ZFHX4: variants seen among roughly 807,000 people sequenced by gnomAD.
ZFHX4 encodes zinc finger homeobox protein 4.
A neutral mutation model predicts 267.6 loss-of-function variants in ZFHX4; 56 were observed. That is an observed-to-expected ratio of 0.21 (90% CI 0.17 to 0.26). ZFHX4 has a LOEUF of 0.26. Ranked by LOEUF, ZFHX4 falls within the 10% of genes least tolerant of loss-of-function variation. The pLI is 1.00. For missense variants in ZFHX4, 4,332 were observed against 4,420.0 expected (o/e 0.98, Z 0.56); for synonymous variants, 1,778 against 1,665.6 (o/e 1.07, Z -1.64).
At chr8:76,762,326 G>A (rs141523766) in intron 3 of ZFHX4, among the ~76,000 whole-genome samples, 3 of 152,216 alleles carry the variant, frequency 2.0e-5, no homozygotes, top group African/African-American at 7.2e-5. Context: ...AACATAAATA[G>A]TGAAGAATAC....
chr8:76,831,449 T>G (rs1203355361), intron 4 of ZFHX4, among the ~76,000 whole-genome samples: 1 of 152,168 alleles, frequency 6.6e-6, no homozygotes, highest in Non-Finnish European at 1.5e-5. Flanking sequence ...TGTGGTATAG[T>G]TGACAGAGCT....
intron 1 of ZFHX4, among the ~76,000 whole-genome samples, chr8:76,695,544 C>T (rs1187075649): frequency 6.6e-6 from 1 of 152,162 alleles, no homozygotes; most frequent in Admixed American, 6.5e-5. Context: ...AACCAAGAAG[C>T]TAAACTTTCT....
At chr8:76,821,686 G>T (rs1811653038) in intron 4 of ZFHX4, among the ~76,000 whole-genome samples, 1 of 152,066 alleles carries the variant, frequency 6.6e-6, no homozygotes, top group Admixed American at 6.6e-5. Flanking sequence ...TACATTCCCT[G>T]TAGGGAACTG....
chr8:76,819,770 C>T (rs1811600391), intron 4 of ZFHX4, among the ~76,000 whole-genome samples: 1 of 152,184 alleles, frequency 6.6e-6, no homozygotes. Context: ...TGGCCTCACC[C>T]TATTACATTC....
intron 3 of ZFHX4, among the ~76,000 whole-genome samples, chr8:76,770,126 G>T (rs1810222854): frequency 1.3e-5 from 2 of 152,236 alleles, no homozygotes; most frequent in Non-Finnish European, 1.5e-5. Context: ...GGTGACACAG[G>T]TTCTGTTAAA....
intron 3 of ZFHX4, among the ~76,000 whole-genome samples, chr8:76,723,988 A>G (rs1808791226): frequency 6.7e-6 from 1 of 148,962 alleles, no homozygotes; most frequent in Admixed American, 6.7e-5. Flanking sequence ...ACCCCAAAAA[A>G]CATTTACCAC....
chr8:76,803,576 G>T (rs920759534), intron 4 of ZFHX4, among the ~76,000 whole-genome samples: 1 of 152,122 alleles, frequency 6.6e-6, no homozygotes, highest in East Asian at 1.9e-4. Flanking sequence ...CAAAATGTTT[G>T]GTGTTTGTGT....
intron 5 of ZFHX4, among the ~76,000 whole-genome samples, chr8:76,842,196 G>A (rs1178928733): frequency 1.3e-5 from 2 of 151,948 alleles, no homozygotes; most frequent in Admixed American, 6.6e-5. Flanking sequence ...TGGGGTCTGG[G>A]GTCTGAAAGC....
At chr8:76,732,715 A>G (rs1337968238) in intron 3 of ZFHX4, among the ~76,000 whole-genome samples, 2 of 152,230 alleles carry the variant, frequency 1.3e-5, no homozygotes, top group Non-Finnish European at 2.9e-5. Context: ...ACAATTGCAA[A>G]AATGGGCAAG....
intron 3 of ZFHX4, among the ~76,000 whole-genome samples, chr8:76,775,138 A>G (rs1320620762): frequency 6.6e-6 from 1 of 152,222 alleles, no homozygotes; most frequent in Non-Finnish European, 1.5e-5. Context: ...AAAAATGTGA[A>G]GACAGTTATA....
chr8:76,801,406 T>A (rs1267608784), intron 4 of ZFHX4, among the ~76,000 whole-genome samples: 1 of 152,176 alleles, frequency 6.6e-6, no homozygotes, highest in Non-Finnish European at 1.5e-5. Flanking sequence ...TTAACCTTAT[T>A]GTTTTAAAAG....
intron 4 of ZFHX4, among the ~76,000 whole-genome samples, chr8:76,792,464 T>A (rs984374327): frequency 2.6e-5 from 4 of 152,220 alleles, no homozygotes; most frequent in African/African-American, 7.2e-5. Context: ...ACCACAATGG[T>A]TTATTCCCAA....
Position 76,704,316 on chromosome 8 carries a change from A to C in ZFHX4, c.228A>C (p.Ser76=), listed in dbSNP as rs1808185095. 6.2e-7 allele frequency: 1 copy of C among 1,613,920 alleles called. No homozygotes were observed. The highest frequency in any genetic ancestry group is 1.7e-5 in the Admixed American group (1 of 60,004). The change falls in exon 2 of 11, where the codon TCA becomes TCC. Residue 76 remains serine (S), a synonymous_variant. Coordinates refer to ENST00000651372, the MANE Select transcript of ZFHX4 (RefSeq NM_024721.5). ...ATGCAGCTGCCACTCAGGTTACCTC[A>C]GCAAAGGAGATACCCTGCAACGAAT... ...VENAAATQVT[S]AKEIPCNECA...
intron 8 of ZFHX4, 145 bp downstream of exon 8, chr8:76,849,857 C>G (rs1343984228): frequency 1.1e-6 from 1 of 879,144 alleles, no homozygotes; most frequent in South Asian, 1.7e-5. Flanking sequence ...TAGTCACACT[C>G]AAGGCCCATT....
Position 76,723,969 on chromosome 8 carries a change from A to G in ZFHX4, c.3093+15921A>G, listed in dbSNP as rs1375160705. On this transcript the variant is annotated intron_variant, in intron 3 of 10. Transcript: ENST00000651372. ...GGCTATCAGGTATAGAAAACAAAAC[A>G]AAACAAAAACCCCAAAAAACATTTA... 1.4e-5 allele frequency among the ~76,000 whole-genome samples: 2 copies of G among 139,332 alleles called. 1 individual carries two copies. Among genetic ancestry groups the G allele is most frequent in the Non-Finnish European group, 3.0e-5 (2 of 66,294 alleles). 91.4% of individuals were successfully genotyped at this position (139,332 alleles called of 152,430 possible).
At chr8:76,693,084 C>T (rs939973566) in intron 1 of ZFHX4, among the ~76,000 whole-genome samples, 6 of 152,162 alleles carry the variant, frequency 3.9e-5, no homozygotes, top group African/African-American at 1.4e-4. Context: ...AAAACTGCAG[C>T]CTCCATGAGG....
At chr8:76,694,236 T>C (rs1310000228) in intron 1 of ZFHX4, among the ~76,000 whole-genome samples, 1 of 152,220 alleles carries the variant, frequency 6.6e-6, no homozygotes, top group Non-Finnish European at 1.5e-5. Flanking sequence ...GGCTCTCCTT[T>C]TGAGAGAGCT....
chr8:76,862,287 T>G (rs552787642), intron 10 of ZFHX4, among the ~76,000 whole-genome samples: 1 of 152,330 alleles, frequency 6.6e-6, no homozygotes, highest in African/African-American at 2.4e-5. Flanking sequence ...TTCCCATCTC[T>G]AATGAGGTGA....
At chr8:76,739,525 G>T (rs1240162904) in intron 3 of ZFHX4, among the ~76,000 whole-genome samples, 1 of 152,096 alleles carries the variant, frequency 6.6e-6, no homozygotes, top group Non-Finnish European at 1.5e-5. Context: ...ATCTAGTGGG[G>T]CAGGCAAGAG....
Sources: allele counts gnomAD v4.1 joint callset (sites outside exome capture counted in the v4.1 genomes callset), GRCh38; gene constraint gnomAD v4.1.1; transcripts MANE v1.5; gene names NCBI Gene and HGNC (gene_info 2026-07-23, HGNC 2026-07-21).